Variants in HMGA2 observed in about 807,000 individuals in gnomAD.
HMGA2 encodes the protein high mobility group protein HMGI-C.
In HMGA2, 8 loss-of-function variants were observed where a neutral mutation model predicts 19.1. The ratio of observed to expected loss-of-function variants is 0.42; its 90% CI spans 0.25 to 0.76. The LOEUF (loss-of-function observed/expected upper bound fraction) is 0.76, where lower values mean the gene tolerates loss of function less well. Ranked by LOEUF, HMGA2 falls within the 30% of genes least tolerant of loss-of-function variation. The pLI is 0.28. For missense variants in HMGA2, 109 were observed against 136.3 expected (o/e 0.80, Z 1.00); for synonymous variants, 60 against 48.8 (o/e 1.23, Z -0.96).
intron 3 of HMGA2, among the ~76,000 whole-genome samples, chr12:65,838,998 C>CTTTTTTTTTTTTTTTTT: frequency 1.8e-4 from 19 of 107,202 alleles, no homozygotes; most frequent in African/African-American, 4.8e-4. Flanking sequence ...TTTTCTTTTT[C>CTTTTTTTTTTTTTTTTT]TTTTTTTTTT....
At chr12:65,849,725 G>C (rs1016018464) in intron 3 of HMGA2, among the ~76,000 whole-genome samples, 1 of 136,886 alleles carries the variant, frequency 7.3e-6, no homozygotes, top group African/African-American at 3.0e-5. Context: ...CAAGACAATG[G>C]TAGGCTCTGT....
At chr12:65,851,052 G>C (rs975851513) in intron 3 of HMGA2, among the ~76,000 whole-genome samples, 1 of 152,134 alleles carries the variant, frequency 6.6e-6, no homozygotes, top group African/African-American at 2.4e-5. Context: ...TAAAGTGTAC[G>C]TACTTTGGGT....
At chr12:65,835,496 G>A (rs1232015050) in intron 2 of HMGA2, among the ~76,000 whole-genome samples, 1 of 152,184 alleles carries the variant, frequency 6.6e-6, no homozygotes, top group African/African-American at 2.4e-5. Flanking sequence ...ATGTAACACT[G>A]GCCTGAACGA....
At chr12:65,828,157 C>T (rs1870303662) in intron 2 of HMGA2, 70 bp downstream of exon 2, 1 of 1,101,018 alleles carries the variant, frequency 9.1e-7, no homozygotes, top group African/African-American at 1.5e-5. Flanking sequence ...CTGTAACTTT[C>T]CCATTCTAAC....
intron 3 of HMGA2, among the ~76,000 whole-genome samples, chr12:65,929,794 C>G (rs911191311): frequency 6.6e-5 from 10 of 152,068 alleles, no homozygotes; most frequent in Non-Finnish European, 8.8e-5. Flanking sequence ...AGAGGATATT[C>G]AGTTGACTCA....
intron 3 of HMGA2, among the ~76,000 whole-genome samples, chr12:65,946,582 T>C (rs1592462519): frequency 6.6e-6 from 1 of 152,296 alleles, no homozygotes; most frequent in South Asian, 2.1e-4. Context: ...GAACTACTAA[T>C]GTCTGGGTCC....
At chr12:65,851,143 T>C (rs893350618) in intron 3 of HMGA2, among the ~76,000 whole-genome samples, 2 of 152,212 alleles carry the variant, frequency 1.3e-5, no homozygotes, top group African/African-American at 4.8e-5. Context: ...CTAAATTTCT[T>C]CTTTTGTGAA....
rs74097823 is a variant in HMGA2, at chr12:65,868,618, G to A, written c.249+30049G>A. Among the ~76,000 whole-genome samples, 1,436 of 152,176 alleles carry A rather than the reference G, an allele frequency of 9.4e-3. 22 individuals are homozygous for A. Among genetic ancestry groups the A allele is most frequent in the African/African-American group, 0.033 (1,379 of 41,510 alleles). ...TTCTTTTTATACATAATCACCATTT[G>A]TACATAATCACCATTTTCTCCATGG... On this transcript the variant is annotated intron_variant, in intron 3 of 4. Coordinates refer to ENST00000403681, the MANE Select transcript of HMGA2 (RefSeq NM_003483.6).
chr12:65,827,874 T>C, intron 1 of HMGA2, 127 bp from the exon 2 acceptor site: 1 of 728,878 alleles, frequency 1.4e-6, no homozygotes, highest in Admixed American at 2.0e-5. Context: ...CATCCATTTA[T>C]GCTTGAACTG....
chr12:65,894,563 A>C (rs1874045801), intron 3 of HMGA2, among the ~76,000 whole-genome samples: 1 of 152,228 alleles, frequency 6.6e-6, no homozygotes, highest in Non-Finnish European at 1.5e-5. Context: ...AACTCTAATA[A>C]TAAAGCTTTT....
intron 3 of HMGA2, among the ~76,000 whole-genome samples, chr12:65,849,837 G>A (rs1871385685): frequency 6.9e-6 from 1 of 145,094 alleles, no homozygotes. Flanking sequence ...TTAAGCCACA[G>A]CCTCTCGAGT....
At chr12:65,897,997 A>T (rs906669289) in intron 3 of HMGA2, among the ~76,000 whole-genome samples, 1 of 152,004 alleles carries the variant, frequency 6.6e-6, no homozygotes, top group Non-Finnish European at 1.5e-5. Context: ...TGATTCATCC[A>T]TCGGAAGGGA....
At chr12:65,848,412 C>T (rs1331861406) in intron 3 of HMGA2, among the ~76,000 whole-genome samples, 1 of 152,088 alleles carries the variant, frequency 6.6e-6, no homozygotes, top group Non-Finnish European at 1.5e-5. Flanking sequence ...TTGTTTCTTT[C>T]AAGGGCATTT....
At chr12:65,908,896 C>A (rs998291130) in intron 3 of HMGA2, among the ~76,000 whole-genome samples, 2 of 152,116 alleles carry the variant, frequency 1.3e-5, no homozygotes, top group Non-Finnish European at 2.9e-5. Flanking sequence ...GACCTGAATT[C>A]CACTATAATT....
intron 3 of HMGA2, among the ~76,000 whole-genome samples, chr12:65,914,313 A>G (rs1042629780): frequency 1.1e-4 from 16 of 152,152 alleles, no homozygotes; most frequent in Admixed American, 1.0e-3. Context: ...CTATGCAGCC[A>G]TAAAAAATGA....
At chr12:65,914,478 C>T (rs1362402268) in intron 3 of HMGA2, among the ~76,000 whole-genome samples, 35 of 117,972 alleles carry the variant, frequency 3.0e-4, no homozygotes, top group Admixed American at 1.2e-3. Flanking sequence ...GAATATCACA[C>T]TCTGGGGACT....
chr12:65,907,595 T>C (rs1874654619), intron 3 of HMGA2, among the ~76,000 whole-genome samples: 1 of 152,022 alleles, frequency 6.6e-6, no homozygotes. Context: ...GCCTATTCTT[T>C]GGGGAGTTCT....
intron 3 of HMGA2, chr12:65,915,374 C>G: frequency 1.5e-6 from 2 of 1,319,390 alleles, no homozygotes; most frequent in Non-Finnish European, 1.9e-6. Context: ...AGTACTCACT[C>G]TAGGCACATG....
At chr12:65,930,418 G>T (rs1875668913) in intron 3 of HMGA2, among the ~76,000 whole-genome samples, 1 of 152,218 alleles carries the variant, frequency 6.6e-6, no homozygotes, top group Admixed American at 6.5e-5. Context: ...ACTCAAGTGG[G>T]CTGGCAGGCA....
Sources: allele counts gnomAD v4.1 joint callset (sites outside exome capture counted in the v4.1 genomes callset), GRCh38; gene constraint gnomAD v4.1.1; transcripts MANE v1.5; gene names NCBI Gene and HGNC (gene_info 2026-07-23, HGNC 2026-07-21).